The following SNRK variants were observed in gnomAD, a reference collection of about 807,000 sequenced individuals.
The protein encoded by SNRK is SNF-related serine/threonine-protein kinase.
A neutral mutation model predicts 48.2 loss-of-function variants in SNRK; 3 were observed. The ratio of observed to expected loss-of-function variants is 0.06; its 90% CI spans 0.03 to 0.16. SNRK has a LOEUF of 0.16. Among genes scored for constraint, SNRK ranks in the 10% least tolerant of loss-of-function variants. The pLI is 1.00. For synonymous variants in SNRK, 376 were observed against 366.1 expected (o/e 1.03, Z -0.31); for missense variants, 627 against 976.0 (o/e 0.64, Z 4.76).
At chr3:43,292,204 G>A (rs536128883) in intron 1 of SNRK, among the ~76,000 whole-genome samples, 1 of 152,294 alleles carries the variant, frequency 6.6e-6, no homozygotes, top group South Asian at 2.1e-4. Flanking sequence ...ATTTTTAGTA[G>A]TATGTATATG....
chr3:43,289,393 T>G (rs1302481900), intron 1 of SNRK, among the ~76,000 whole-genome samples: 3 of 152,210 alleles, frequency 2.0e-5, no homozygotes, highest in Non-Finnish European at 4.4e-5. Flanking sequence ...GTTCTTTCCT[T>G]AAAGCATTTG....
rs1004286989 is a variant in SNRK at position 43,303,108 on chromosome 3, C to T, written c.-96C>T. Reference sequence around the variant, plus strand: ...CTTCTTATTTTGTAGATATCCATGACGACATTGAAAATGAATTTTTTGTAT... The same window carrying T: ...CTTCTTATTTTGTAGATATCCATGATGACATTGAAAATGAATTTTTTGTAT... On this transcript the variant is annotated 5_prime_UTR_variant, in exon 3 of 7. In the 5' UTR this introduces an upstream ATG that the reference lacks. Coordinates refer to ENST00000296088, the MANE Select transcript of SNRK (RefSeq NM_017719.5). The surrounding 1 kb of genome is among the most constrained non-coding windows in gnomAD (Gnocchi z 6.2). 1.2e-5 allele frequency: 10 copies of T among 823,270 alleles called. No homozygotes were observed. Among genetic ancestry groups the T allele is most frequent in the East Asian group, 5.3e-5 (2 of 37,914 alleles). 51.0% of individuals were successfully genotyped at this position (823,270 alleles called of 1,614,324 possible). A position where few individuals can be genotyped will look rare whatever the true frequency, so the allele number is the denominator to read the frequency against.
rs142858468 is a variant in SNRK at position 43,298,704 on chromosome 3, G to C, written c.-168-1050G>C. 1.8e-3 allele frequency among the ~76,000 whole-genome samples: 270 copies of C among 152,286 alleles called. 1 individual carries two copies. Among genetic ancestry groups the C allele is most frequent in the African/African-American group, 6.2e-3 (258 of 41,544 alleles). On this transcript the variant is annotated intron_variant, in intron 1 of 6. Coordinates refer to ENST00000296088, the MANE Select transcript of SNRK (RefSeq NM_017719.5). The stretch of plus-strand genomic sequence containing the variant: ...ATAATGTGAATGTTTAGGCCTCTCT[G>C]TTATTCATGTAATAGTTTATTTTCA...
Position 43,303,566 on chromosome 3 carries a change from T to C in SNRK, c.363T>C (p.Ala121=), listed in dbSNP as rs1288279024. The C allele has an allele frequency of 6.2e-7, 1 of 1,614,132 alleles. No individual in the cohort carries two copies. The highest frequency in any genetic ancestry group is 8.5e-7 in the Non-Finnish European group (1 of 1,180,012). ...AAGACTTGGCCAAGAAGTATTTTGCTCAGATAGTTCATGCTATATCTTATT... is the reference window on the plus strand; with the variant it reads ...AAGACTTGGCCAAGAAGTATTTTGCCCAGATAGTTCATGCTATATCTTATT... ...LNEDLAKKYF[A]QIVHAISYCH... Residue 121 remains alanine, a synonymous_variant, in exon 3 of 7, where the codon GCT becomes GCC. Transcript: ENST00000296088. This position sits in a 1 kb window ranked among gnomAD's most constrained non-coding sequence, Gnocchi z 6.2.
intron 5 of SNRK, among the ~76,000 whole-genome samples, chr3:43,341,760 T>C (rs991731580): frequency 1.3e-5 from 2 of 152,222 alleles, no homozygotes; most frequent in Non-Finnish European, 2.9e-5. Flanking sequence ...CTGCTGTGTG[T>C]CTTCGTGCCA....
At chr3:43,320,354 A>T (rs2091044315) in intron 3 of SNRK, among the ~76,000 whole-genome samples, 1 of 152,188 alleles carries the variant, frequency 6.6e-6, no homozygotes, top group Non-Finnish European at 1.5e-5. Context: ...TGTATAACAG[A>T]GTTCGTATGC....
chr3:43,303,956 GT>G lies in SNRK; in HGVS notation c.589+167del, dbSNP rs1322314987. ...CATATATGCCTAAAGCTGGCATTTC[GT>G]TTATTTCAACCTTTAGATGGCAAAT... On this transcript the variant is annotated intron_variant, in intron 3 of 6. Transcript: ENST00000296088. The surrounding 1 kb of genome is among the most constrained non-coding windows in gnomAD (Gnocchi z 6.2). Among the ~76,000 whole-genome samples the G allele has an allele frequency of 6.6e-6, 1 of 152,142 alleles. No homozygotes were observed. The highest frequency in any genetic ancestry group is 1.5e-5 in the Non-Finnish European group (1 of 68,016).
chr3:43,347,686 G>A lies in SNRK; in HGVS notation c.1427G>A (p.Arg476His), dbSNP rs375411982. ...CGCCGGAAGCCATCTGTAACCAACC[G>A]CCTGACATCCAGGAAGAGTGCGCCC... ...VLRRKPSVTN[R>H]LTSRKSAPVL... Residue 476 changes from arginine to histidine, a missense_variant, in exon 7 of 7, where the codon CGC becomes CAC. This residue lies in a region of SNRK where 98 missense variants were observed against 175.2 expected (regional missense o/e 0.56). Transcript: ENST00000296088. The surrounding 1 kb of genome is among the most constrained non-coding windows in gnomAD (Gnocchi z 5.4). 1.1e-5 allele frequency: 17 copies of A among 1,613,722 alleles called. No homozygotes were observed. The highest frequency in any genetic ancestry group is 3.3e-5 in the Admixed American group (2 of 60,016).
intron 6 of SNRK, 57 bp downstream of exon 6, chr3:43,343,535 T>G (rs2091253299): frequency 1.1e-5 from 12 of 1,115,354 alleles, no homozygotes; most frequent in Non-Finnish European, 1.4e-5. Flanking sequence ...ATAGCGAACT[T>G]TTTTTTTTTT....
intron 3 of SNRK, among the ~76,000 whole-genome samples, chr3:43,311,482 C>G (rs778516359): frequency 1.2e-4 from 18 of 152,080 alleles, no homozygotes; most frequent in South Asian, 4.1e-4. Flanking sequence ...TCAGTCAGCT[C>G]TCTGGGCTTT....
intron 4 of SNRK, among the ~76,000 whole-genome samples, chr3:43,337,734 C>T (rs544814122): frequency 1.3e-5 from 2 of 152,092 alleles, no homozygotes; most frequent in African/African-American, 4.8e-5. Flanking sequence ...AAGCAAGGCA[C>T]CTTCTTCACA....
At chr3:43,300,900 G>C (rs983142916) in intron 2 of SNRK, among the ~76,000 whole-genome samples, 1 of 152,238 alleles carries the variant, frequency 6.6e-6, no homozygotes, top group South Asian at 2.1e-4. Context: ...CAGACACAGC[G>C]TAGCATAGTG....
chr3:43,321,996 C>T (rs1473254529), intron 3 of SNRK, among the ~76,000 whole-genome samples: 1 of 152,256 alleles, frequency 6.6e-6, no homozygotes, highest in Non-Finnish European at 1.5e-5. Flanking sequence ...ATCTCAGCAC[C>T]TAGCACAGCG....
At position 43,348,611 on chromosome 3, in the gene SNRK, G is replaced by C; in HGVS notation, c.*54G>C. The C allele has an allele frequency of 6.9e-7, 1 of 1,453,538 alleles. No homozygotes were observed. The highest frequency in any genetic ancestry group is 9.0e-7 in the Non-Finnish European group (1 of 1,106,050). The allele number at this position is 1,453,538 out of a possible 1,614,324, so 90.0% of individuals were successfully genotyped here. A position where few individuals can be genotyped will look rare whatever the true frequency, so the allele number is the denominator to read the frequency against. On this transcript the variant is annotated 3_prime_UTR_variant, in exon 7 of 7. Transcript: ENST00000296088. ...TTCCTGCTCAGAGCAGTGAAGACCG[G>C]CTCACTTCACTGTTCCATTTGGTTT...
At position 43,303,716 on chromosome 3, in the gene SNRK, C is replaced by G; in HGVS notation, c.513C>G (p.Leu171=). 6.2e-7 allele frequency: 1 copy of G among 1,613,998 alleles called. No homozygotes were observed. Among genetic ancestry groups the G allele is most frequent in the South Asian group, 1.1e-5 (1 of 91,078 alleles). The change falls in exon 3 of 7, where the codon CTC becomes CTG. Residue 171 remains leucine, a synonymous_variant. Coordinates refer to ENST00000296088, the MANE Select transcript of SNRK (RefSeq NM_017719.5). This position sits in a 1 kb window ranked among gnomAD's most constrained non-coding sequence, Gnocchi z 6.2. ...ACAAATTTCAACCAGGGAAGAAGCTCACTACAAGCTGTGGATCTCTTGCAT... is the reference window on the plus strand; with the variant it reads ...ACAAATTTCAACCAGGGAAGAAGCTGACTACAAGCTGTGGATCTCTTGCAT... ...FSNKFQPGKK[L]TTSCGSLAYS...
intron 6 of SNRK, 48 bp downstream of exon 6, chr3:43,343,526 T>A: frequency 5.1e-6 from 8 of 1,566,114 alleles, no homozygotes; most frequent in South Asian, 3.6e-5. Flanking sequence ...CGTTTTGAAA[T>A]AGCGAACTTT....
intron 3 of SNRK, among the ~76,000 whole-genome samples, chr3:43,320,512 C>T (rs979066880): frequency 5.9e-5 from 9 of 152,186 alleles, no homozygotes; most frequent in East Asian, 3.9e-4. Flanking sequence ...GCTTTGTATT[C>T]AGTAGTGATT....
In SNRK at chr3:43,348,261, C is replaced by G; in HGVS notation, c.2002C>G (p.Pro668Ala). 6.2e-7 allele frequency: 1 copy of G among 1,614,120 alleles called. No homozygotes were observed. The highest frequency in any genetic ancestry group is 8.5e-7 in the Non-Finnish European group (1 of 1,179,990). ...LHGSTKYIID[P>A]QNGLSFSSVK... ...TGGGAGCACCAAGTACATTATTGAT[C>G]CACAGAATGGCTTGTCATTTTCCAG... is the stretch of plus-strand genomic sequence containing the variant. The change falls in exon 7 of 7, where the codon CCA becomes GCA. Residue 668 changes from proline to alanine, a missense_variant. This residue lies in a region of SNRK where 207 missense variants were observed against 234.3 expected (regional missense o/e 0.88). Transcript: ENST00000296088.
intron 3 of SNRK, among the ~76,000 whole-genome samples, chr3:43,310,657 A>G (rs957829928): frequency 6.6e-6 from 1 of 152,186 alleles, no homozygotes; most frequent in Admixed American, 6.6e-5. Flanking sequence ...GGCTGGATAT[A>G]GAAATATATA....
Sources: allele counts gnomAD v4.1 joint callset (sites outside exome capture counted in the v4.1 genomes callset), GRCh38; gene constraint gnomAD v4.1.1; regional missense constraint gnomAD v4.1.1; non-coding constraint Gnocchi (gnomAD v3.1); transcripts MANE v1.5; gene names NCBI Gene and HGNC (gene_info 2026-07-23, HGNC 2026-07-21).